The following SCARA3 variants were observed in gnomAD, a reference collection of about 807,000 sequenced individuals.
SCARA3 encodes cellular stress response gene protein.
In SCARA3, 39 loss-of-function variants were observed where a neutral mutation model predicts 47.0. The observed-to-expected ratio is 0.83, with a 90% CI of 0.64 to 1.08. SCARA3 has a LOEUF of 1.08. Among genes scored for constraint, SCARA3 ranks in the 50% least tolerant of loss-of-function variants. The probability of loss-of-function intolerance (pLI) is 0.00; values close to 1 mark genes in which losing one functional copy is unlikely to be tolerated. For missense variants in SCARA3, 724 were observed against 792.3 expected (o/e 0.91, Z 1.04); for synonymous variants, 356 against 334.1 (o/e 1.07, Z -0.71).
the SCARA3 span, among the ~76,000 whole-genome samples, chr8:27,723,225 C>T: frequency 6.6e-6 from 1 of 152,194 alleles, no homozygotes; most frequent in Non-Finnish European, 1.5e-5. Context: ...CCACAAATGA[C>T]CTGAACTCCT....
chr8:27,640,839 G>C (rs1376605962), intron 1 of SCARA3, among the ~76,000 whole-genome samples: 1 of 149,842 alleles, frequency 6.7e-6, no homozygotes, highest in Non-Finnish European at 1.5e-5. Context: ...TGGGACTACA[G>C]ATGCATGCCA....
At chr8:27,651,725 T>A in intron 3 of SCARA3, 98 bp downstream of exon 3, 1 of 1,490,268 alleles carries the variant, frequency 6.7e-7, no homozygotes, top group South Asian at 1.3e-5. Context: ...TTGACATCTG[T>A]ATCCCAGGGC....
downstream of SCARA3, among the ~76,000 whole-genome samples, chr8:27,678,527 T>C (rs192323615): frequency 1.3e-5 from 2 of 152,296 alleles, no homozygotes; most frequent in Admixed American, 1.3e-4. Context: ...ATGAAAGCAA[T>C]GAACTTTATA....
At chr8:27,634,351 C>G (rs1003858206) in intron 1 of SCARA3, 144 bp downstream of exon 1, 2 of 647,516 alleles carry the variant, frequency 3.1e-6, no homozygotes, top group Non-Finnish European at 4.4e-6. Context: ...TTTGGGCATC[C>G]TGCGAGACAG....
At position 27,652,838 on chromosome 8, in the gene SCARA3, C is replaced by A. The variant is rs35750004; in HGVS notation, c.226+1211C>A. Among the ~76,000 whole-genome samples the A allele has an allele frequency of 9.8e-3, 1,495 of 152,264 alleles. 32 individuals are homozygous for A. Among genetic ancestry groups the A allele is most frequent in the African/African-American group, 0.034 (1,409 of 41,544 alleles). On this transcript the variant is annotated intron_variant, in intron 3 of 5. Transcript: ENST00000301904. ...ATTTAAAAATACTAGTGCCAGAGTA[C>A]CCCCTCCACTCACTCCAGATGAATT...
At chr8:27,644,360 C>T (rs1801447490) in intron 1 of SCARA3, among the ~76,000 whole-genome samples, 1 of 152,206 alleles carries the variant, frequency 6.6e-6, no homozygotes, top group Admixed American at 6.5e-5. Context: ...TTCTTTATGA[C>T]AGGGACCATG....
chr8:27,633,899 G>C (rs1466649731), upstream of SCARA3: 4 of 155,946 alleles, frequency 2.6e-5, no homozygotes, highest in Admixed American at 6.5e-5. Flanking sequence ...GAGGGGCGGC[G>C]GCAGACCTCG....
chr8:27,730,311 C>T, the SCARA3 span, among the ~76,000 whole-genome samples: 2 of 152,078 alleles, frequency 1.3e-5, no homozygotes, highest in African/African-American at 2.4e-5. Flanking sequence ...CATTATCTTC[C>T]CCTCAGCCCC....
downstream of SCARA3, among the ~76,000 whole-genome samples, chr8:27,674,946 C>A (rs1158064463): frequency 1.3e-5 from 2 of 152,040 alleles, no homozygotes; most frequent in Non-Finnish European, 1.5e-5. Context: ...CCAGGATGGT[C>A]TCGATCTCTT....
chr8:27,697,026 A>G, the SCARA3 span, among the ~76,000 whole-genome samples: 2 of 152,164 alleles, frequency 1.3e-5, no homozygotes, highest in African/African-American at 4.8e-5. Flanking sequence ...AAATGGGTGA[A>G]TTTTATGGTA....
chr8:27,723,399 C>A, the SCARA3 span, among the ~76,000 whole-genome samples: 2 of 152,322 alleles, frequency 1.3e-5, no homozygotes, highest in East Asian at 3.9e-4. Context: ...CTTTTGGCAA[C>A]CTTCTGATTC....
chr8:27,636,883 A>T (rs1801264883), intron 1 of SCARA3, among the ~76,000 whole-genome samples: 1 of 152,176 alleles, frequency 6.6e-6, no homozygotes, highest in Non-Finnish European at 1.5e-5. Context: ...GGCTTCCGGG[A>T]TCTGTGGGGT....
chr8:27,665,815 G>C (rs1260879682), intron 5 of SCARA3, among the ~76,000 whole-genome samples: 1 of 152,202 alleles, frequency 6.6e-6, no homozygotes, highest in South Asian at 2.1e-4. Flanking sequence ...CTGCATAAGG[G>C]ATTATTATTA....
chr8:27,719,911 T>C, the SCARA3 span, among the ~76,000 whole-genome samples: 1 of 152,162 alleles, frequency 6.6e-6, no homozygotes, highest in East Asian at 1.9e-4. Flanking sequence ...TCATTGATTA[T>C]AATTTACTCT....
chr8:27,660,842 C>CA (rs1801895725), intron 5 of SCARA3, among the ~76,000 whole-genome samples: 1 of 113,770 alleles, frequency 8.8e-6, no homozygotes, highest in Non-Finnish European at 2.0e-5. Context: ...AGCTAGCTAG[C>CA]TAGATAGATA....
At chr8:27,653,975 G>C (rs34846005) in intron 3 of SCARA3, among the ~76,000 whole-genome samples, 267 of 152,238 alleles carry the variant, frequency 1.8e-3, no homozygotes, top group African/African-American at 6.1e-3. Flanking sequence ...ATGAATGGGG[G>C]TGGCAACTCC....
At chr8:27,726,281 C>T in the SCARA3 span, among the ~76,000 whole-genome samples, 1 of 152,146 alleles carries the variant, frequency 6.6e-6, no homozygotes, top group African/African-American at 2.4e-5. Context: ...TGGTGTGCAT[C>T]TGTGGTCACA....
the SCARA3 span, among the ~76,000 whole-genome samples, chr8:27,712,834 A>C: frequency 6.6e-6 from 1 of 152,190 alleles, no homozygotes; most frequent in South Asian, 2.1e-4. Flanking sequence ...TAAAAATATA[A>C]AAATATACAT....
chr8:27,712,747 G>A, the SCARA3 span, among the ~76,000 whole-genome samples: 6 of 152,134 alleles, frequency 3.9e-5, no homozygotes, highest in Non-Finnish European at 5.9e-5. Flanking sequence ...AAACATCCAT[G>A]TGCAGGCTTC....
Sources: gnomAD v4.1 joint callset for allele counts (sites outside exome capture counted in the v4.1 genomes callset) on GRCh38, gnomAD v4.1.1 for gene constraint, MANE v1.5 for transcripts, NCBI Gene and HGNC (gene_info 2026-07-23, HGNC 2026-07-21) for gene names.